Variants in LGR5 observed in about 807,000 individuals in gnomAD.
LGR5 encodes the protein leucine-rich repeat-containing G protein-coupled receptor 5.
Under a neutral mutation model 76.7 loss-of-function variants are expected in LGR5, and 54 were observed. That is an observed-to-expected ratio of 0.70 (90% CI 0.57 to 0.88). The LOEUF is 0.88. LGR5 is among the 40% of genes least tolerant of loss of function. The pLI, the probability that LGR5 is intolerant of heterozygous loss-of-function variation, is 0.00. For missense variants in LGR5, 1,078 were observed against 1,073.3 expected, an observed-to-expected ratio of 1.00 and a Z score of -0.06; for synonymous variants, 406 against 421.9, an observed-to-expected ratio of 0.96 and a Z score of 0.46.
chr12:71,451,600 A>G lies in LGR5; in HGVS notation c.212+11308A>G, dbSNP rs1872251817. Among the ~76,000 whole-genome samples, 3 of 152,222 alleles carry G rather than the reference A, an allele frequency of 2.0e-5. No individual in the cohort carries two copies. In the South Asian group the frequency reaches 6.2e-4, roughly 32 times the overall value. Reference sequence around the variant, plus strand: ...CCCACATTTTAGAAACCTGTCTTTGATGCTCCCACATCATGCTGAACCCAC... The same window carrying G: ...CCCACATTTTAGAAACCTGTCTTTGGTGCTCCCACATCATGCTGAACCCAC... On this transcript the variant is annotated intron_variant, in intron 1 of 17. Transcript: ENST00000266674.
intron 4 of LGR5, among the ~76,000 whole-genome samples, chr12:71,545,647 C>T (rs540955651): frequency 2.0e-5 from 3 of 151,848 alleles, no homozygotes; most frequent in South Asian, 2.1e-4. Flanking sequence ...ACAGTCATCT[C>T]AGATATGGAA....
chr12:71,562,677 T>C (rs924700993), intron 8 of LGR5, among the ~76,000 whole-genome samples: 3 of 152,174 alleles, frequency 2.0e-5, no homozygotes, highest in Admixed American at 2.0e-4. Context: ...AGGCTGGCTC[T>C]TAGACAAAAG....
Position 71,584,740 on chromosome 12 carries a change from A to G in LGR5, c.*6A>G, listed in dbSNP as rs1389729067. ...CATTTGTCCCATGTCTCTAATTAATATGTGAAGGAAAATGTTTTCAAAGGT... is the reference window on the plus strand; with the variant it reads ...CATTTGTCCCATGTCTCTAATTAATGTGTGAAGGAAAATGTTTTCAAAGGT... On this transcript the variant is annotated 3_prime_UTR_variant, in exon 18 of 18. Transcript: ENST00000266674. The G allele has an allele frequency of 6.2e-7, 1 of 1,603,266 alleles. No individual in the cohort carries two copies. Among genetic ancestry groups the G allele is most frequent in the Admixed American group, 1.7e-5 (1 of 59,430 alleles).
chr12:71,467,309 G>T (rs1872906014), intron 1 of LGR5, among the ~76,000 whole-genome samples: 1 of 152,168 alleles, frequency 6.6e-6, no homozygotes, highest in Non-Finnish European at 1.5e-5. Flanking sequence ...ACTTTAAAAG[G>T]TAGTGAAGAT....
intron 8 of LGR5, 139 bp downstream of exon 8, chr12:71,561,991 A>C: frequency 2.2e-6 from 1 of 454,190 alleles, no homozygotes; most frequent in Non-Finnish European, 3.8e-6. Context: ...GTATATACAC[A>C]TGCATTTTGC....
intron 17 of LGR5, chr12:71,583,343 T>G: frequency 3.3e-6 from 1 of 304,086 alleles, no homozygotes; most frequent in South Asian, 1.0e-4. Flanking sequence ...AGATCTGGCT[T>G]TTTACCTGGC....
chr12:71,475,555 G>A (rs571125012), intron 1 of LGR5, among the ~76,000 whole-genome samples: 2 of 152,122 alleles, frequency 1.3e-5, no homozygotes, highest in African/African-American at 2.4e-5. Flanking sequence ...CCAATCTATT[G>A]TAGTTTCTGC....
intron 11 of LGR5, among the ~76,000 whole-genome samples, chr12:71,570,358 C>A (rs11178854): frequency 0.19 from 28,953 of 151,910 alleles, 3,135 homozygotes; most frequent in East Asian, 0.44. Flanking sequence ...AGTGTTAGCC[C>A]TGAAAATCAT....
At chr12:71,572,352 G>A (rs905862782) in intron 12 of LGR5, among the ~76,000 whole-genome samples, 1 of 152,124 alleles carries the variant, frequency 6.6e-6, no homozygotes, top group Non-Finnish European at 1.5e-5. Flanking sequence ...AAAGTGCTGC[G>A]ATTACAGGCG....
At position 71,566,715 on chromosome 12, in the gene LGR5, G is replaced by A. The variant is rs1878364259; in HGVS notation, c.998+15G>A. ...CTGGAGAGTCTGTAAGTACTGAGTA[G>A]ACTCTTGACTTTGCCCAGAACATAC... On this transcript the variant is annotated intron_variant, in intron 10 of 17. Coordinates refer to ENST00000266674, the MANE Select transcript of LGR5 (RefSeq NM_003667.4). 1 of 1,607,242 alleles carries A rather than the reference G, an allele frequency of 6.2e-7. No individual in the cohort carries two copies. Among genetic ancestry groups the A allele is most frequent in the Non-Finnish European group, 8.5e-7 (1 of 1,173,860 alleles).
chr12:71,463,403 G>A (rs1872748554), intron 1 of LGR5, among the ~76,000 whole-genome samples: 1 of 152,132 alleles, frequency 6.6e-6, no homozygotes, highest in Non-Finnish European at 1.5e-5. Flanking sequence ...GAAACATTTG[G>A]GTTGAGATCT....
intron 4 of LGR5, among the ~76,000 whole-genome samples, chr12:71,546,969 G>C (rs552757530): frequency 2.6e-5 from 4 of 152,150 alleles, no homozygotes; most frequent in Non-Finnish European, 4.4e-5. Context: ...GCAACCACTG[G>C]GACCGTAAGA....
chr12:71,443,953 A>C (rs150526466), intron 1 of LGR5, among the ~76,000 whole-genome samples: 1 of 152,130 alleles, frequency 6.6e-6, no homozygotes, highest in East Asian at 1.9e-4. Flanking sequence ...TTACTTTTTC[A>C]TATGTAACTT....
At chr12:71,503,914 TAC>T (rs1874726147) in intron 1 of LGR5, among the ~76,000 whole-genome samples, 1 of 152,114 alleles carries the variant, frequency 6.6e-6, no homozygotes, top group Admixed American at 6.5e-5. Context: ...AAAATGTAAT[TAC>T]ACAGAGTTTC....
At position 71,578,841 on chromosome 12, in the gene LGR5, A is replaced by G; in HGVS notation, c.1318A>G (p.Thr440Ala). ...SSNLLSSFPI[T>A]GLHGLTHLKL... ...CAACCTCCTGTCGTCTTTTCCTATA[A>G]CTGGGTTACATGGTTTAACTCACTT... The change falls in exon 15 of 18, where the codon ACT becomes GCT. Residue 440 changes from threonine to alanine, a missense_variant. Thr to Ala is a moderately conservative substitution (Grantham distance 58). Coordinates refer to ENST00000266674, the MANE Select transcript of LGR5 (RefSeq NM_003667.4). The G allele has an allele frequency of 6.2e-7, 1 of 1,610,844 alleles. No individual in the cohort carries two copies. The highest frequency in any genetic ancestry group is 2.2e-5 in the East Asian group (1 of 44,760).
chr12:71,546,314 C>CAA (rs1241331567), intron 4 of LGR5, among the ~76,000 whole-genome samples: 101 of 53,234 alleles, frequency 1.9e-3, no homozygotes, highest in African/African-American at 4.3e-3. Flanking sequence ...GACTCAGTCT[C>CAA]AAAATATATA....
chr12:71,558,356 T>C (rs1394390198), intron 6 of LGR5, among the ~76,000 whole-genome samples: 3 of 152,090 alleles, frequency 2.0e-5, no homozygotes, highest in Admixed American at 2.0e-4. Flanking sequence ...GTAAATAACA[T>C]AGAGCAAAAC....
intron 1 of LGR5, among the ~76,000 whole-genome samples, chr12:71,449,668 C>G (rs1435599023): frequency 2.0e-5 from 3 of 152,128 alleles, no homozygotes; most frequent in Non-Finnish European, 4.4e-5. Context: ...ATTTGAAGCC[C>G]TCTTTGCCTT....
At chr12:71,473,959 T>G (rs1052172878) in intron 1 of LGR5, among the ~76,000 whole-genome samples, 2 of 152,034 alleles carry the variant, frequency 1.3e-5, no homozygotes, top group Non-Finnish European at 2.9e-5. Context: ...AATCCAAGAG[T>G]TGAAAAAGGA....
Sources: allele counts gnomAD v4.1 joint callset (sites outside exome capture counted in the v4.1 genomes callset), GRCh38; gene constraint gnomAD v4.1.1; transcripts MANE v1.5; gene names NCBI Gene and HGNC (gene_info 2026-07-23, HGNC 2026-07-21).